The following TNFSF4 variants were observed in gnomAD, a reference collection of about 807,000 sequenced individuals.
TNFSF4 encodes tumor necrosis factor ligand superfamily member 4.
A neutral mutation model predicts 7.3 loss-of-function variants in TNFSF4; 4 were observed. The ratio of observed to expected loss-of-function variants is 0.55; its 90% CI spans 0.27 to 1.25. The LOEUF is 1.25. Ranked by LOEUF, TNFSF4 falls within the 50% of genes most tolerant of loss-of-function variation. The pLI is 0.12. For missense variants in TNFSF4, 181 were observed against 208.8 expected (o/e 0.87, Z 0.82); for synonymous variants, 76 against 83.7 (o/e 0.91, Z 0.50).
chr1:173,342,783 T>G, the TNFSF4 span, among the ~76,000 whole-genome samples: 2 of 152,188 alleles, frequency 1.3e-5, no homozygotes, highest in Non-Finnish European at 2.9e-5. Flanking sequence ...AGGAAGTCCA[T>G]AGCTCTGCAG....
chr1:173,205,686 G>A (rs1650157420), intron 1 of TNFSF4: 2 of 734,826 alleles, frequency 2.7e-6, no homozygotes, highest in Non-Finnish European at 3.4e-6. Context: ...CTTCTCAAAA[G>A]AGCCTAATTC....
At chr1:173,403,396 A>G in the TNFSF4 span, among the ~76,000 whole-genome samples, 1 of 152,208 alleles carries the variant, frequency 6.6e-6, no homozygotes, top group African/African-American at 2.4e-5. Flanking sequence ...GCTTTGCAAC[A>G]TAAAGGAGTT....
the TNFSF4 span, among the ~76,000 whole-genome samples, chr1:173,227,464 G>A: frequency 1.3e-5 from 2 of 152,244 alleles, no homozygotes; most frequent in East Asian, 3.9e-4. Context: ...GGCCAAATAG[G>A]AACAGCTCCA....
At chr1:173,248,468 AAAAG>A in the TNFSF4 span, among the ~76,000 whole-genome samples, 2 of 150,392 alleles carry the variant, frequency 1.3e-5, no homozygotes, top group Non-Finnish European at 3.0e-5. Context: ...GAAAGAAAGA[AAAAG>A]AAAGAAGGAA....
At chr1:173,346,368 A>C in the TNFSF4 span, among the ~76,000 whole-genome samples, 1 of 152,158 alleles carries the variant, frequency 6.6e-6, no homozygotes, top group African/African-American at 2.4e-5. Context: ...AGCTGAAAAA[A>C]AATTTTAAAT....
chr1:173,206,931 G>A, intron 1 of TNFSF4, 93 bp downstream of exon 1: 2 of 1,397,458 alleles, frequency 1.4e-6, no homozygotes, highest in South Asian at 3.1e-5. Context: ...CAACACTTTT[G>A]GCATAAGATT....
At chr1:173,277,554 C>T in the TNFSF4 span, among the ~76,000 whole-genome samples, 1 of 152,084 alleles carries the variant, frequency 6.6e-6, no homozygotes, top group African/African-American at 2.4e-5. Flanking sequence ...AAAGCTGGGA[C>T]ATAATAAGTA....
the TNFSF4 span, chr1:173,362,677 C>A: frequency 3.3e-5 from 14 of 418,150 alleles, no homozygotes; most frequent in African/African-American, 2.9e-4. Flanking sequence ...AGACTTCTGA[C>A]AATTCCTCAT....
chr1:173,281,314 A>C, the TNFSF4 span, among the ~76,000 whole-genome samples: 22 of 152,294 alleles, frequency 1.4e-4, no homozygotes, highest in Admixed American at 8.5e-4. Context: ...TCTGAATGGA[A>C]AGAGCCCATG....
the TNFSF4 span, among the ~76,000 whole-genome samples, chr1:173,252,807 G>A: frequency 6.6e-6 from 1 of 152,152 alleles, no homozygotes; most frequent in Non-Finnish European, 1.5e-5. Flanking sequence ...ACTTTTCACA[G>A]AACACCCTGG....
At chr1:173,219,575 G>A in the TNFSF4 span, among the ~76,000 whole-genome samples, 2 of 151,824 alleles carry the variant, frequency 1.3e-5, no homozygotes, top group African/African-American at 2.4e-5. Context: ...AAGACACTTG[G>A]ACACACATGT....
chr1:173,250,056 A>G, the TNFSF4 span, among the ~76,000 whole-genome samples: 2 of 152,196 alleles, frequency 1.3e-5, no homozygotes, highest in African/African-American at 4.8e-5. Flanking sequence ...TAAATCTTCA[A>G]ATGTGTACTT....
chr1:173,308,769 G>A, the TNFSF4 span, among the ~76,000 whole-genome samples: 27 of 151,960 alleles, frequency 1.8e-4, no homozygotes, highest in African/African-American at 6.3e-4. Flanking sequence ...CTGAAGGCTA[G>A]CCCATTCATA....
chr1:173,198,700 T>C (rs1319410913), intron 1 of TNFSF4, among the ~76,000 whole-genome samples: 2 of 152,172 alleles, frequency 1.3e-5, no homozygotes, highest in African/African-American at 2.4e-5. Flanking sequence ...CAAACCCCTA[T>C]GACACACAGT....
chr1:173,339,499 TA>T, the TNFSF4 span, among the ~76,000 whole-genome samples: 1 of 152,198 alleles, frequency 6.6e-6, no homozygotes, highest in African/African-American at 2.4e-5. Flanking sequence ...TTCAGTACTG[TA>T]ATTGACATAT....
chr1:173,251,644 A>AT, the TNFSF4 span, among the ~76,000 whole-genome samples: 1 of 152,182 alleles, frequency 6.6e-6, no homozygotes, highest in East Asian at 1.9e-4. Flanking sequence ...TCTAAGTGTT[A>AT]TTTTCCTTAT....
the TNFSF4 span, among the ~76,000 whole-genome samples, chr1:173,385,547 T>C: frequency 6.6e-6 from 1 of 152,200 alleles, no homozygotes; most frequent in Non-Finnish European, 1.5e-5. Flanking sequence ...TGTTATTACA[T>C]GAACAAGCTA....
At chr1:173,308,510 A>T in the TNFSF4 span, among the ~76,000 whole-genome samples, 1 of 145,984 alleles carries the variant, frequency 6.9e-6, no homozygotes, top group East Asian at 1.9e-4. Context: ...ACTACTTCTT[A>T]AAAAAAATCC....
chr1:173,257,169 G>T, the TNFSF4 span, among the ~76,000 whole-genome samples: 1 of 152,216 alleles, frequency 6.6e-6, no homozygotes, highest in Non-Finnish European at 1.5e-5. Flanking sequence ...GCTTAATGCA[G>T]TCTAACTGCT....
Sources: allele counts gnomAD v4.1 joint callset (sites outside exome capture counted in the v4.1 genomes callset), GRCh38; gene constraint gnomAD v4.1.1; transcripts MANE v1.5; gene names NCBI Gene and HGNC (gene_info 2026-07-23, HGNC 2026-07-21).